TRPS1: variants seen among roughly 807,000 people sequenced by gnomAD.
TRPS1 encodes zinc finger transcription factor Trps1.
Under a neutral mutation model 101.2 loss-of-function variants are expected in TRPS1, and 6 were observed. That is an observed-to-expected ratio of 0.06 (90% CI 0.03 to 0.12). The LOEUF is 0.12. Ranked by LOEUF, TRPS1 falls within the 10% of genes least tolerant of loss-of-function variation. TRPS1 has a pLI of 1.00. For missense variants in TRPS1, 1,363 were observed against 1,567.0 expected (o/e 0.87, Z 2.20); for synonymous variants, 578 against 589.8 (o/e 0.98, Z 0.29).
At chr8:115,609,207 A>G (rs1432340971) in intron 3 of TRPS1, among the ~76,000 whole-genome samples, 1 of 152,176 alleles carries the variant, frequency 6.6e-6, no homozygotes, top group Admixed American at 6.5e-5. Flanking sequence ...CTCAACAGTA[A>G]CATGTGCATA....
In TRPS1 at chr8:115,522,768, A is replaced by G. The variant is rs988578418; in HGVS notation, c.2700+64233T>C. 2.6e-5 allele frequency among the ~76,000 whole-genome samples: 4 copies of G among 152,280 alleles called. No individual in the cohort carries two copies. The East Asian group carries it at 5.8e-4, about 22-fold the overall frequency. On this transcript the variant is annotated intron_variant, in intron 5 of 6. Coordinates refer to ENST00000395715, the MANE Select transcript of TRPS1 (RefSeq NM_014112.5). ...ACTGTTAAAATAATACATTGGTCTTACAGCATTTACTCTGTTCTCAGCAAA... is the reference window on the plus strand; with the variant it reads ...ACTGTTAAAATAATACATTGGTCTTGCAGCATTTACTCTGTTCTCAGCAAA...
At chr8:115,510,598 T>C (rs1241460269) in intron 5 of TRPS1, among the ~76,000 whole-genome samples, 1 of 152,004 alleles carries the variant, frequency 6.6e-6, no homozygotes, top group African/African-American at 2.4e-5. Context: ...AAAGAGATTT[T>C]CATTAAGATT....
chr8:115,430,950 T>A (rs760948987), intron 5 of TRPS1, among the ~76,000 whole-genome samples: 2 of 151,654 alleles, frequency 1.3e-5, no homozygotes, highest in African/African-American at 2.4e-5. Context: ...GAAAAAAAAA[T>A]GAAGCAATAG....
In TRPS1 at chr8:115,587,426, C is replaced by T. The variant is rs1237669889; in HGVS notation, c.2275G>A (p.Val759Ile). ...GAGTCTGGAGTTAGCAGATTGTAGA[C>T]CCTGAAGTCAATTTTGGGCTCCTCT... ...IKEEPKIDFRVYNLLTPDSKM... is the reference protein window; with the variant it reads ...IKEEPKIDFRIYNLLTPDSKM... Residue 759 changes from valine (V) to isoleucine (I), a missense_variant, in exon 5 of 7, where the codon GTC becomes ATC. Val to Ile is a conservative substitution (Grantham distance 29). Coordinates refer to ENST00000395715, the MANE Select transcript of TRPS1 (RefSeq NM_014112.5). 4.3e-6 allele frequency: 7 copies of T among 1,614,170 alleles called. No individual in the cohort carries two copies. The South Asian group carries it at 7.7e-5, about 18-fold the overall frequency.
At chr8:115,501,807 C>T (rs994847482) in intron 5 of TRPS1, among the ~76,000 whole-genome samples, 2 of 152,152 alleles carry the variant, frequency 1.3e-5, no homozygotes, top group African/African-American at 2.4e-5. Flanking sequence ...CTATGAAACC[C>T]ACCCCTATCC....
intron 5 of TRPS1, among the ~76,000 whole-genome samples, chr8:115,455,621 T>C (rs1320812377): frequency 6.6e-6 from 1 of 152,166 alleles, no homozygotes; most frequent in African/African-American, 2.4e-5. Flanking sequence ...ACTCATTTTC[T>C]AGATTTTGAA....
At chr8:115,629,801 T>C (rs866890496) in intron 1 of TRPS1, among the ~76,000 whole-genome samples, 3 of 151,800 alleles carry the variant, frequency 2.0e-5, no homozygotes, top group Non-Finnish European at 4.4e-5. Context: ...TCCCTGATTA[T>C]TAATAAATCC....
At chr8:115,495,405 T>C (rs11984814) in intron 5 of TRPS1, among the ~76,000 whole-genome samples, 5,528 of 151,334 alleles carry the variant, frequency 0.037, 374 homozygotes, top group African/African-American at 0.13. Context: ...TGTACTATAG[T>C]CTGATAGATC....
intron 5 of TRPS1, among the ~76,000 whole-genome samples, chr8:115,526,436 A>T (rs1262757370): frequency 1.3e-5 from 2 of 152,194 alleles, no homozygotes; most frequent in African/African-American, 4.8e-5. Context: ...AGTAGGTAAT[A>T]TATTTTAAAA....
intron 5 of TRPS1, among the ~76,000 whole-genome samples, chr8:115,560,525 C>T (rs908330273): frequency 6.6e-6 from 1 of 151,816 alleles, no homozygotes; most frequent in Non-Finnish European, 1.5e-5. Context: ...TTAGGGAGTC[C>T]CAAATGCAAA....
intron 5 of TRPS1, among the ~76,000 whole-genome samples, chr8:115,544,695 C>T (rs1377382338): frequency 6.6e-6 from 1 of 152,090 alleles, no homozygotes; most frequent in East Asian, 1.9e-4. Context: ...CACTTACGTC[C>T]ACCAATGCTG....
chr8:115,573,507 A>C (rs778574579), intron 5 of TRPS1, among the ~76,000 whole-genome samples: 43 of 152,228 alleles, frequency 2.8e-4, no homozygotes, highest in Non-Finnish European at 5.6e-4. Context: ...ACTTCCCAAC[A>C]TCATTATCCT....
At chr8:115,583,924 C>T (rs879894076) in intron 5 of TRPS1, among the ~76,000 whole-genome samples, 3 of 151,948 alleles carry the variant, frequency 2.0e-5, no homozygotes, top group Non-Finnish European at 4.4e-5. Flanking sequence ...GAGAAAACCA[C>T]TAATGTTAAT....
intron 5 of TRPS1, among the ~76,000 whole-genome samples, chr8:115,542,063 G>C (rs1039842770): frequency 6.6e-6 from 1 of 152,160 alleles, no homozygotes; most frequent in African/African-American, 2.4e-5. Context: ...GAAGAGAAAT[G>C]CAAGATATGG....
intron 1 of TRPS1, among the ~76,000 whole-genome samples, chr8:115,630,430 T>C (rs986224922): frequency 6.6e-6 from 1 of 151,916 alleles, no homozygotes; most frequent in African/African-American, 2.4e-5. Context: ...AATTATTAGT[T>C]TCTCCATCAA....
chr8:115,549,294 T>C (rs1340053253), intron 5 of TRPS1, among the ~76,000 whole-genome samples: 1 of 152,214 alleles, frequency 6.6e-6, no homozygotes, highest in Non-Finnish European at 1.5e-5. Flanking sequence ...TCAATCACTG[T>C]CAATCTCTTT....
chr8:115,582,156 T>G (rs1817466295), intron 5 of TRPS1, among the ~76,000 whole-genome samples: 1 of 152,194 alleles, frequency 6.6e-6, no homozygotes, highest in East Asian at 1.9e-4. Flanking sequence ...GTTATGTACA[T>G]AAACATTAAG....
chr8:115,653,172 G>A lies in TRPS1; in HGVS notation c.-122+15373C>T, dbSNP rs140198363. ...AAGAAAACGAGATATTTTACATACA[G>A]GGGGAGAATTATGTAAAAAATAAAT... On this transcript the variant is annotated intron_variant, in intron 1 of 6. Coordinates refer to ENST00000395715, the MANE Select transcript of TRPS1 (RefSeq NM_014112.5). Among the ~76,000 whole-genome samples, 109 of 152,192 alleles carry A rather than the reference G, an allele frequency of 7.2e-4. 1 individual carries two copies. Among genetic ancestry groups the A allele is most frequent in the Middle Eastern group, 3.4e-3 (1 of 294 alleles).
chr8:115,477,769 T>C (rs1814642060), intron 5 of TRPS1, among the ~76,000 whole-genome samples: 2 of 152,130 alleles, frequency 1.3e-5, no homozygotes, highest in Admixed American at 1.3e-4. Context: ...GACAACAGGA[T>C]CTTAAAATAC....
Sources: gnomAD v4.1 joint callset for allele counts (sites outside exome capture counted in the v4.1 genomes callset) on GRCh38, gnomAD v4.1.1 for gene constraint, MANE v1.5 for transcripts, NCBI Gene and HGNC (gene_info 2026-07-23, HGNC 2026-07-21) for gene names.